The following XKR6 variants were observed in gnomAD, a reference collection of about 807,000 sequenced individuals.
XKR6 encodes XK-related protein 6.
In XKR6, 22 loss-of-function variants were observed where a neutral mutation model predicts 56.7. The ratio of observed to expected loss-of-function variants is 0.39; its 90% CI spans 0.28 to 0.55. The LOEUF is 0.55. Among genes scored for constraint, XKR6 ranks in the 20% least tolerant of loss-of-function variants. The probability of loss-of-function intolerance (pLI) is 0.66; values close to 1 mark genes in which losing one functional copy is unlikely to be tolerated. For missense variants in XKR6, 852 were observed against 889.0 expected, an observed-to-expected ratio of 0.96 and a Z score of 0.53; for synonymous variants, 524 against 387.8, an observed-to-expected ratio of 1.35 and a Z score of -4.13.
At chr8:10,941,046 G>C (rs1024151432) in intron 1 of XKR6, among the ~76,000 whole-genome samples, 1 of 152,168 alleles carries the variant, frequency 6.6e-6, no homozygotes, top group African/African-American at 2.4e-5. Context: ...GGAGGTGAGG[G>C]GGCTCCTCGA....
chr8:11,196,697 C>T (rs1803909795), intron 1 of XKR6, among the ~76,000 whole-genome samples: 1 of 152,224 alleles, frequency 6.6e-6, no homozygotes, highest in Non-Finnish European at 1.5e-5. Flanking sequence ...GGGGTTCCCA[C>T]GTGATCACTT....
intron 1 of XKR6, among the ~76,000 whole-genome samples, chr8:11,075,388 GA>G (rs1247510026): frequency 6.6e-6 from 1 of 152,188 alleles, no homozygotes; most frequent in Non-Finnish European, 1.5e-5. Flanking sequence ...AGGGGTTGAG[GA>G]AACTGTTCCC....
chr8:11,010,519 C>T (rs879832905), intron 1 of XKR6, among the ~76,000 whole-genome samples: 4 of 152,158 alleles, frequency 2.6e-5, no homozygotes, highest in Non-Finnish European at 5.9e-5. Flanking sequence ...AACACAGGCA[C>T]AATGCCCTAG....
At chr8:10,970,145 G>T (rs1249148305) in intron 1 of XKR6, among the ~76,000 whole-genome samples, 2 of 152,176 alleles carry the variant, frequency 1.3e-5, no homozygotes, top group Non-Finnish European at 2.9e-5. Flanking sequence ...TGTGCTCCGG[G>T]ACCCCATAAC....
intron 1 of XKR6, among the ~76,000 whole-genome samples, chr8:10,995,359 A>G (rs1324665585): frequency 6.7e-6 from 1 of 148,792 alleles, no homozygotes; most frequent in African/African-American, 2.5e-5. Context: ...ACATATATAT[A>G]TATGTTATAT....
intron 1 of XKR6, chr8:11,138,551 T>C (rs1454988949): frequency 6.6e-6 from 1 of 152,238 alleles, no homozygotes; most frequent in African/African-American, 2.4e-5. Flanking sequence ...CCTACTAAAA[T>C]AATTAAGTGG....
intron 1 of XKR6, chr8:11,105,247 G>T (rs1208097869): frequency 2.0e-5 from 3 of 152,200 alleles, no homozygotes; most frequent in African/African-American, 7.2e-5. Flanking sequence ...TATCTTTAGA[G>T]AACTCAGGGT....
intron 1 of XKR6, among the ~76,000 whole-genome samples, chr8:10,988,914 T>C (rs1254990278): frequency 6.6e-6 from 1 of 152,166 alleles, no homozygotes; most frequent in African/African-American, 2.4e-5. Flanking sequence ...TGACCCAAAG[T>C]CACAGTGTCT....
chr8:11,104,215 C>A (rs1018989649), intron 1 of XKR6, among the ~76,000 whole-genome samples: 1 of 152,146 alleles, frequency 6.6e-6, no homozygotes, highest in African/African-American at 2.4e-5. Flanking sequence ...TTTGCAAGAT[C>A]CTGGGAAATA....
intron 1 of XKR6, among the ~76,000 whole-genome samples, chr8:11,050,499 C>G (rs1183699513): frequency 2.0e-5 from 3 of 150,930 alleles, no homozygotes; most frequent in African/African-American, 7.3e-5. Flanking sequence ...TTTAGGTCCC[C>G]AGCCAAATCC....
At chr8:11,072,341 G>T (rs1182458995) in intron 1 of XKR6, among the ~76,000 whole-genome samples, 1 of 145,158 alleles carries the variant, frequency 6.9e-6, no homozygotes, top group Non-Finnish European at 1.5e-5. Context: ...CTCTGTTTTG[G>T]TAAGGTCTGC....
At chr8:10,944,975 G>A (rs1014441709) in intron 1 of XKR6, among the ~76,000 whole-genome samples, 1 of 152,158 alleles carries the variant, frequency 6.6e-6, no homozygotes, top group African/African-American at 2.4e-5. Flanking sequence ...AGGCTTCTGG[G>A]AACAGAGGCA....
rs544630956 is a variant in XKR6 at position 11,081,592 on chromosome 8, C to G, written c.764+118984G>C. Among the ~76,000 whole-genome samples, 3 of 152,336 alleles carry G rather than the reference C, an allele frequency of 2.0e-5. No homozygotes were observed. In the East Asian group the frequency reaches 5.8e-4, roughly 29 times the overall value. ...TCAGGAAATTCCCACACCAGCAGGT[C>G]TGGACAAGTCCTCGGCAGTAACTTC... is the stretch of plus-strand genomic sequence containing the variant. On this transcript the variant is annotated intron_variant, in intron 1 of 2. Coordinates refer to ENST00000416569, the MANE Select transcript of XKR6 (RefSeq NM_173683.4).
intron 2 of XKR6, 107 bp from the exon 3 acceptor site, chr8:10,899,023 A>G: frequency 6.8e-7 from 1 of 1,467,428 alleles, no homozygotes; most frequent in Admixed American, 2.3e-5. Context: ...GATCTAAAGG[A>G]GGAGGGAGAA....
intron 2 of XKR6, among the ~76,000 whole-genome samples, chr8:10,899,612 G>A (rs573145354): frequency 3.9e-5 from 6 of 152,088 alleles, no homozygotes; most frequent in Non-Finnish European, 8.8e-5. Context: ...TTTTCCAACC[G>A]ACTGCTGCTC....
chr8:10,923,597 T>C (rs1281118283), intron 2 of XKR6, among the ~76,000 whole-genome samples: 1 of 152,182 alleles, frequency 6.6e-6, no homozygotes, highest in African/African-American at 2.4e-5. Flanking sequence ...GAGGGCCAGC[T>C]TGGAAAAAGT....
chr8:10,898,425 C>T lies in XKR6; in HGVS notation c.1453G>A (p.Val485Met), dbSNP rs1799948380. 7 of 1,614,034 alleles carry T rather than the reference C, an allele frequency of 4.3e-6. No homozygotes were observed. Among genetic ancestry groups the T allele is most frequent in the Non-Finnish European group, 5.9e-6 (7 of 1,179,996 alleles). Residue 485 changes from valine to methionine, a missense_variant, in exon 3 of 3, where the codon GTG becomes ATG. By Grantham distance (21) the Val-to-Met change is conservative. Transcript: ENST00000416569. This position sits in a 1 kb window ranked among gnomAD's most constrained non-coding sequence, Gnocchi z 6.6. ...AAGAGCATCATTGCGATCCCAGCCACAAAGCTAATAAAGACACAACACAGT... is the reference window on the plus strand; with the variant it reads ...AAGAGCATCATTGCGATCCCAGCCATAAAGCTAATAAAGACACAACACAGT... ...PALCCVFISF[V>M]AGIAMMLLYY...
chr8:11,184,289 T>C (rs1585030436), intron 1 of XKR6, among the ~76,000 whole-genome samples: 1 of 152,214 alleles, frequency 6.6e-6, no homozygotes, highest in East Asian at 1.9e-4. Context: ...TGCAGACCCC[T>C]GGTACAGTCT....
At chr8:10,984,568 G>C (rs968570596) in intron 1 of XKR6, among the ~76,000 whole-genome samples, 1 of 151,676 alleles carries the variant, frequency 6.6e-6, no homozygotes. Context: ...AAACTCAGCT[G>C]ATAAATGATT....
Sources: gnomAD v4.1 joint callset for allele counts (sites outside exome capture counted in the v4.1 genomes callset) on GRCh38, gnomAD v4.1.1 for gene constraint, Gnocchi (gnomAD v3.1) non-coding constraint, MANE v1.5 for transcripts, NCBI Gene and HGNC (gene_info 2026-07-23, HGNC 2026-07-21) for gene names.